ANKFN1: variants seen among roughly 807,000 people sequenced by gnomAD.
The protein encoded by ANKFN1 is ankyrin repeat and fibronectin type-III domain-containing protein 1.
Under a neutral mutation model 108.7 loss-of-function variants are expected in ANKFN1, and 74 were observed. The observed-to-expected ratio is 0.68, with a 90% confidence interval of 0.56 to 0.83. The LOEUF (loss-of-function observed/expected upper bound fraction) is 0.83, where lower values mean the gene tolerates loss of function less well. Among genes scored for constraint, ANKFN1 ranks in the 40% least tolerant of loss-of-function variants. The probability of loss-of-function intolerance (pLI) is 0.00; values close to 1 mark genes in which losing one functional copy is unlikely to be tolerated. For missense variants in ANKFN1, 1,505 were observed against 1,382.3 expected (o/e 1.09, Z -1.41); for synonymous variants, 547 against 516.2 (o/e 1.06, Z -0.81).
intron 4 of ANKFN1, among the ~76,000 whole-genome samples, chr17:56,070,736 A>ATTT (rs111445728): frequency 6.7e-6 from 1 of 148,606 alleles, no homozygotes; most frequent in Non-Finnish European, 1.5e-5. Context: ...TCTCTTTTGT[A>ATTT]TTTTTTTCTT....
intron 16 of ANKFN1, 104 bp from the exon 17 acceptor site, chr17:56,480,564 C>G (rs2050659240): frequency 1.6e-6 from 2 of 1,223,610 alleles, no homozygotes; most frequent in African/African-American, 3.0e-5. Context: ...GTTTTAACCA[C>G]CAAGCATTGG....
chr17:56,263,910 AG>A (rs950074263), intron 3 of ANKFN1, among the ~76,000 whole-genome samples: 3 of 152,234 alleles, frequency 2.0e-5, no homozygotes, highest in African/African-American at 7.2e-5. Flanking sequence ...CTAGGGGCCA[AG>A]TAACAATGGA....
intron 1 of ANKFN1, among the ~76,000 whole-genome samples, chr17:56,208,595 A>C (rs1056391600): frequency 6.6e-6 from 1 of 152,184 alleles, no homozygotes; most frequent in Non-Finnish European, 1.5e-5. Flanking sequence ...TCCTCATGAT[A>C]TCCGCTGATC....
chr17:56,314,632 C>T (rs879683059), intron 3 of ANKFN1, among the ~76,000 whole-genome samples: 1 of 152,148 alleles, frequency 6.6e-6, no homozygotes, highest in Non-Finnish European at 1.5e-5. Context: ...AGACTCAGGT[C>T]AAGTGGCCAA....
chr17:56,241,480 T>G (rs1431259484), intron 3 of ANKFN1, among the ~76,000 whole-genome samples: 1 of 152,128 alleles, frequency 6.6e-6, no homozygotes, highest in Non-Finnish European at 1.5e-5. Context: ...GATCTTTTTC[T>G]GAGGGATCTA....
intron 14 of ANKFN1, among the ~76,000 whole-genome samples, chr17:56,465,029 A>G (rs2050028784): frequency 6.6e-6 from 1 of 152,226 alleles, no homozygotes; most frequent in Admixed American, 6.5e-5. Context: ...TTGAAATCCC[A>G]CTACAGCAAG....
intron 4 of ANKFN1, among the ~76,000 whole-genome samples, chr17:56,142,510 C>T (rs1907988649): frequency 1.3e-5 from 2 of 152,196 alleles, no homozygotes; most frequent in African/African-American, 4.8e-5. Flanking sequence ...TAATCATCTG[C>T]ACCACATGCC....
At chr17:56,339,684 A>G (rs1315538027) in intron 4 of ANKFN1, among the ~76,000 whole-genome samples, 1 of 152,140 alleles carries the variant, frequency 6.6e-6, no homozygotes, top group Non-Finnish European at 1.5e-5. Context: ...TGTGTACCAC[A>G]TATTCCTTAT....
intron 6 of ANKFN1, among the ~76,000 whole-genome samples, chr17:56,366,028 G>T (rs1414295535): frequency 2.6e-5 from 4 of 152,164 alleles, no homozygotes; most frequent in African/African-American, 7.2e-5. Context: ...CTCTATGCGT[G>T]TTACTGCCCC....
At chr17:56,357,445 C>A (rs2046404624) in intron 6 of ANKFN1, among the ~76,000 whole-genome samples, 1 of 152,232 alleles carries the variant, frequency 6.6e-6, no homozygotes, top group Admixed American at 6.5e-5. Context: ...CACCTGGAAT[C>A]TTTCCACACA....
chr17:56,328,982 A>G (rs189050825), intron 4 of ANKFN1, among the ~76,000 whole-genome samples: 6 of 152,192 alleles, frequency 3.9e-5, no homozygotes, highest in Admixed American at 3.9e-4. Flanking sequence ...ACCAGCTCTC[A>G]TGGGGTAATT....
At position 56,325,030 on chromosome 17, in the gene ANKFN1, T is replaced by C. The variant is rs138619339; in HGVS notation, c.54-1191T>C. ...TCTAAGCAATTACCAGGCCAAAGAT[T>C]AACTCTCCACCCTCTTGTTTATGAT... On this transcript the variant is annotated intron_variant, in intron 3 of 20. Coordinates refer to ENST00000682825, the MANE Select transcript of ANKFN1 (RefSeq NM_001370326.1). Among the ~76,000 whole-genome samples, 87 of 152,258 alleles carry C rather than the reference T, an allele frequency of 5.7e-4. 4 individuals carry two copies. In the East Asian group the frequency reaches 0.016, roughly 28 times the overall value.
chr17:56,135,389 T>C (rs1197894196), intron 4 of ANKFN1, among the ~76,000 whole-genome samples: 1 of 152,148 alleles, frequency 6.6e-6, no homozygotes, highest in Non-Finnish European at 1.5e-5. Context: ...GGAATTCAAA[T>C]AAATAGCCCT....
At chr17:56,254,077 G>A (rs1039222551) in intron 3 of ANKFN1, 2 of 152,074 alleles carry the variant, frequency 1.3e-5, no homozygotes, top group East Asian at 1.9e-4. Flanking sequence ...TTCTAATGCT[G>A]ACCCCAATAG....
In ANKFN1 at chr17:56,467,800, A is replaced by AAG. The variant is rs1491518584; in HGVS notation, c.1773+1231_1773+1232dup. The stretch of plus-strand genomic sequence containing the variant: ...GAAAGAAAGAAAGAAAGAAGAAAGA[A>AAG]AGAAAGAAAGAAAGAAAGAAAGAAA... On this transcript the variant is annotated intron_variant, in intron 15 of 20. Coordinates refer to ENST00000682825, the MANE Select transcript of ANKFN1 (RefSeq NM_001370326.1). Among the ~76,000 whole-genome samples, 33 of 20,976 alleles carry AAG rather than the reference A, an allele frequency of 1.6e-3. 1 individual carries two copies. The highest frequency in any genetic ancestry group is 5.4e-3 in the African/African-American group (32 of 5,902). The allele number at this position is 20,976 out of a possible 152,430, so 13.8% of individuals were successfully genotyped here. A position where few individuals can be genotyped will look rare whatever the true frequency, so the allele number is the denominator to read the frequency against.
chr17:56,067,361 TG>T (rs1905072809), intron 4 of ANKFN1, among the ~76,000 whole-genome samples: 1 of 152,214 alleles, frequency 6.6e-6, no homozygotes, highest in South Asian at 2.1e-4. Flanking sequence ...TTCATATTTG[TG>T]GTTTACATTT....
chr17:56,249,039 G>A (rs180945907), intron 3 of ANKFN1, among the ~76,000 whole-genome samples: 1 of 152,290 alleles, frequency 6.6e-6, no homozygotes, highest in East Asian at 1.9e-4. Flanking sequence ...AAAAATTCCA[G>A]GTCACCTACA....
At chr17:56,326,616 G>A (rs2045524648) in intron 4 of ANKFN1, among the ~76,000 whole-genome samples, 2 of 152,174 alleles carry the variant, frequency 1.3e-5, no homozygotes. Context: ...CATTTTGTTT[G>A]CAGTAAGCTT....
intron 15 of ANKFN1, among the ~76,000 whole-genome samples, chr17:56,468,322 T>C (rs1254109923): frequency 3.3e-5 from 5 of 152,156 alleles, no homozygotes; most frequent in Non-Finnish European, 7.4e-5. Context: ...GATGGTGGAA[T>C]TGGGACACCA....
Sources: gnomAD v4.1 joint callset for allele counts (sites outside exome capture counted in the v4.1 genomes callset) on GRCh38, gnomAD v4.1.1 for gene constraint, MANE v1.5 for transcripts, NCBI Gene and HGNC (gene_info 2026-07-23, HGNC 2026-07-21) for gene names.